The following FBXO21 variants were observed in gnomAD, a reference collection of about 807,000 sequenced individuals.
The protein encoded by FBXO21 is F-box only protein 21.
In FBXO21, 32 loss-of-function variants were observed where a neutral mutation model predicts 76.6. That is an observed-to-expected ratio of 0.42 (90% confidence interval 0.32 to 0.56). The LOEUF is 0.56. Among genes scored for constraint, FBXO21 ranks in the 20% least tolerant of loss-of-function variants. The probability of loss-of-function intolerance (pLI) is 0.16; values close to 1 mark genes in which losing one functional copy is unlikely to be tolerated. For missense variants in FBXO21, 586 were observed against 797.3 expected (o/e 0.73, Z 3.19); for synonymous variants, 328 against 311.5 (o/e 1.05, Z -0.56).
intron 7 of FBXO21, 26 bp downstream of exon 7, chr12:117,172,445 A>G (rs1416359964): frequency 1.2e-6 from 2 of 1,604,182 alleles, no homozygotes. Context: ...CTTCAGGACC[A>G]CAGATAATGT....
chr12:117,173,215 GA>G (rs1378827966), intron 6 of FBXO21, among the ~76,000 whole-genome samples: 2 of 152,116 alleles, frequency 1.3e-5, no homozygotes, highest in Non-Finnish European at 2.9e-5. Context: ...ATTTTTAGTA[GA>G]AACAGGGTTT....
intron 11 of FBXO21, chr12:117,155,334 C>CA (rs1955900307): frequency 6.1e-6 from 1 of 162,912 alleles, no homozygotes; most frequent in African/African-American, 2.4e-5. Context: ...CAGGTGCTCC[C>CA]AGGGCCGGCG....
Position 117,149,051 on chromosome 12 carries a change from C to T in FBXO21, c.1676-2774G>A, listed in dbSNP as rs1331331064. 2.0e-5 allele frequency among the ~76,000 whole-genome samples: 3 copies of T among 152,360 alleles called. No individual in the cohort carries two copies. In the East Asian group the frequency reaches 5.8e-4, roughly 29 times the overall value. ...ACTGCTGCCACCTCCCTCTTCACAT[C>T]CAGTAACAGGAGGAACCAACTAGCA... On this transcript the variant is annotated intron_variant, in intron 11 of 11. Coordinates refer to ENST00000622495, the MANE Select transcript of FBXO21 (RefSeq NM_015002.3).
chr12:117,177,080 T>C (rs891698231), intron 4 of FBXO21, among the ~76,000 whole-genome samples: 1 of 152,206 alleles, frequency 6.6e-6, no homozygotes, highest in Non-Finnish European at 1.5e-5. Context: ...TCACCTTTCA[T>C]TACGGACAAG....
At chr12:117,174,962 AC>A (rs1201236435) in intron 4 of FBXO21, among the ~76,000 whole-genome samples, 165 bp from the exon 5 acceptor site, 1 of 152,196 alleles carries the variant, frequency 6.6e-6, no homozygotes, top group Non-Finnish European at 1.5e-5. Context: ...AGAAGGAGCA[AC>A]AAACATTTTC....
chr12:117,188,098 G>A (rs1218723300), intron 2 of FBXO21, among the ~76,000 whole-genome samples: 1 of 152,168 alleles, frequency 6.6e-6, no homozygotes, highest in African/African-American at 2.4e-5. Context: ...AGAATCCAAA[G>A]GAGTCTTTAG....
intron 11 of FBXO21, among the ~76,000 whole-genome samples, chr12:117,153,643 G>A (rs1252152035): frequency 6.6e-6 from 1 of 152,172 alleles, no homozygotes; most frequent in African/African-American, 2.4e-5. Context: ...TATCAGGCAT[G>A]CTGGGGGAGA....
At position 117,190,468 on chromosome 12, in the gene FBXO21, A is replaced by T; in HGVS notation, c.-12T>A. 1 of 1,206,088 alleles carries T rather than the reference A, an allele frequency of 8.3e-7. No homozygotes were observed. The highest frequency in any genetic ancestry group is 1.1e-6 in the Non-Finnish European group (1 of 898,570). The allele number at this position is 1,206,088 out of a possible 1,614,324, so 74.7% of individuals were successfully genotyped here. A position where few individuals can be genotyped will look rare whatever the true frequency, so the allele number is the denominator to read the frequency against. On this transcript the variant is annotated 5_prime_UTR_variant, in exon 1 of 12. Transcript: ENST00000622495. ...GCTGCCGCCGCCATCTTGTCCGCGT[A>T]CCTGGGGCCGCCGCGCGCGCGCGTG...
chr12:117,157,191 A>G (rs894929780), intron 10 of FBXO21, among the ~76,000 whole-genome samples: 39 of 152,064 alleles, frequency 2.6e-4, no homozygotes, highest in African/African-American at 9.2e-4. Flanking sequence ...AAAGAAAAAA[A>G]AAAAAAGAAA....
intron 2 of FBXO21, among the ~76,000 whole-genome samples, chr12:117,187,872 G>A (rs901092171): frequency 6.6e-6 from 1 of 152,192 alleles, no homozygotes; most frequent in Admixed American, 6.5e-5. Flanking sequence ...CTTTTAGCCA[G>A]GGCATGGCTT....
chr12:117,189,180 C>T, intron 2 of FBXO21, 47 bp downstream of exon 2: 1 of 1,612,854 alleles, frequency 6.2e-7, no homozygotes, highest in Non-Finnish European at 8.5e-7. Context: ...GACCCAGACA[C>T]ATACACCAGC....
In FBXO21 at chr12:117,161,408, C is replaced by T. The variant is rs143901210; in HGVS notation, c.1327-3345G>A. Among the ~76,000 whole-genome samples, 500 of 152,046 alleles carry T rather than the reference C, an allele frequency of 3.3e-3. 6 individuals are homozygous for T. The highest frequency in any genetic ancestry group is 5.1e-3 in the Non-Finnish European group (345 of 68,010). ...GACCGCCGAGAACCTAAAAGCCACACGGAGGAGAGCAAGTCTGGTCTTCAA... is the reference window on the plus strand; with the variant it reads ...GACCGCCGAGAACCTAAAAGCCACATGGAGGAGAGCAAGTCTGGTCTTCAA... On this transcript the variant is annotated intron_variant, in intron 9 of 11. Transcript: ENST00000622495.
rs143008609 is a variant in FBXO21, at chr12:117,174,420, G to T, written c.740-79C>A. The T allele has an allele frequency of 1.9e-5, 28 of 1,479,230 alleles. No homozygotes were observed. In the African/African-American group the frequency reaches 3.7e-4, roughly 20 times the overall value. 91.6% of individuals were successfully genotyped at this position (1,479,230 alleles called of 1,614,324 possible). ...TGCCCCAAACAACTCACAACATGAA[G>T]ACATTGGCAATGGCCTAACAATATT... is the stretch of plus-strand genomic sequence containing the variant. On this transcript the variant is annotated intron_variant, in intron 5 of 11. Transcript: ENST00000622495.
Position 117,189,118 on chromosome 12 carries a change from G to A in FBXO21, c.375+109C>T, listed in dbSNP as rs1286674189. On this transcript the variant is annotated intron_variant, in intron 2 of 11. Coordinates refer to ENST00000622495, the MANE Select transcript of FBXO21 (RefSeq NM_015002.3). The stretch of plus-strand genomic sequence containing the variant: ...GCCATCTAAGTGAGTAAGGGATTGT[G>A]AGAGCATTGAAAAGGGAGATACGAA... 20 of 1,235,288 alleles carry A rather than the reference G, an allele frequency of 1.6e-5. No homozygotes were observed. The Admixed American group carries it at 3.2e-4, about 20-fold the overall frequency. The allele number at this position is 1,235,288 out of a possible 1,614,324, so 76.5% of individuals were successfully genotyped here.
At chr12:117,189,121 A>G (rs2135891816) in intron 2 of FBXO21, 106 bp downstream of exon 2, 1 of 1,254,192 alleles carries the variant, frequency 8.0e-7, no homozygotes, top group Non-Finnish European at 1.2e-6. Flanking sequence ...GGATTGTGAG[A>G]GCATTGAAAA....
At chr12:117,163,130 A>T (rs1276087859) in intron 9 of FBXO21, among the ~76,000 whole-genome samples, 1 of 152,230 alleles carries the variant, frequency 6.6e-6, no homozygotes, top group Non-Finnish European at 1.5e-5. Flanking sequence ...ATGAGGGGTC[A>T]CCCAAGAGAT....
intron 11 of FBXO21, among the ~76,000 whole-genome samples, chr12:117,148,234 CTG>C (rs754412004): frequency 1.3e-5 from 2 of 152,220 alleles, no homozygotes; most frequent in African/African-American, 2.4e-5. Flanking sequence ...TTTCGGCAGA[CTG>C]TGACCAGGGA....
intron 2 of FBXO21, among the ~76,000 whole-genome samples, chr12:117,186,890 G>A (rs1236648439): frequency 6.6e-6 from 1 of 152,192 alleles, no homozygotes; most frequent in Non-Finnish European, 1.5e-5. Flanking sequence ...ACTTTGGGAG[G>A]CCAAGGCAGG....
chr12:117,188,518 C>T (rs145657316), intron 2 of FBXO21, among the ~76,000 whole-genome samples: 80 of 150,672 alleles, frequency 5.3e-4, no homozygotes, highest in African/African-American at 1.6e-3. Context: ...GCACTCCAGC[C>T]GGGGAGACAA....
Sources: gnomAD v4.1 joint callset for allele counts (sites outside exome capture counted in the v4.1 genomes callset) on GRCh38, gnomAD v4.1.1 for gene constraint, MANE v1.5 for transcripts, NCBI Gene and HGNC (gene_info 2026-07-23, HGNC 2026-07-21) for gene names.